Variants in DNER observed in about 807,000 individuals in gnomAD.
DNER encodes the protein delta/notch like EGF repeat containing, also known as delta and Notch-like epidermal growth factor-related receptor.
In DNER, 33 loss-of-function variants were observed where a neutral mutation model predicts 78.2. That is an observed-to-expected ratio of 0.42 (90% CI 0.32 to 0.56). The LOEUF is 0.56. Among genes scored for constraint, DNER ranks in the 20% least tolerant of loss-of-function variants. The pLI is 0.11. For missense variants in DNER, 918 were observed against 975.3 expected, an observed-to-expected ratio of 0.94 and a Z score of 0.78; for synonymous variants, 417 against 384.8, an observed-to-expected ratio of 1.08 and a Z score of -0.98.
chr2:229,412,779 G>C (rs186523965), intron 9 of DNER, among the ~76,000 whole-genome samples: 1 of 152,186 alleles, frequency 6.6e-6, no homozygotes, highest in Non-Finnish European at 1.5e-5. Context: ...GCAAGGCGAC[G>C]TGCAAGAGGG....
At position 229,517,457 on chromosome 2, in the gene DNER, C is replaced by T. The variant is rs139865893; in HGVS notation, c.994-4521G>A. 5.2e-3 allele frequency among the ~76,000 whole-genome samples: 788 copies of T among 152,252 alleles called. 3 individuals are homozygous for T. Among genetic ancestry groups the T allele is most frequent in the African/African-American group, 0.018 (753 of 41,554 alleles). The stretch of plus-strand genomic sequence containing the variant: ...ATGTACTGAGAAAGTGAAAACAGGG[C>T]CAGGACTTGCTGGAGGTGCAGAGTG... On this transcript the variant is annotated intron_variant, in intron 5 of 12. Coordinates refer to ENST00000341772, the MANE Select transcript of DNER (RefSeq NM_139072.4).
intron 6 of DNER, among the ~76,000 whole-genome samples, chr2:229,505,726 T>C (rs1323820565): frequency 6.6e-6 from 1 of 152,254 alleles, no homozygotes; most frequent in Non-Finnish European, 1.5e-5. Context: ...AAGCAAATTA[T>C]ACACGTTTCA....
At chr2:229,502,153 T>C (rs1340816387) in intron 6 of DNER, among the ~76,000 whole-genome samples, 1 of 152,030 alleles carries the variant, frequency 6.6e-6, no homozygotes, top group Non-Finnish European at 1.5e-5. Context: ...ACCTGTCCTA[T>C]CGAAAGGAAA....
chr2:229,388,165 G>T, intron 11 of DNER, 100 bp downstream of exon 11: 1 of 1,474,610 alleles, frequency 6.8e-7, no homozygotes, highest in South Asian at 1.4e-5. Flanking sequence ...AGTGACTCGG[G>T]GGCTTTCTGG....
At chr2:229,556,132 T>A (rs1696852879) in intron 4 of DNER, among the ~76,000 whole-genome samples, 1 of 152,220 alleles carries the variant, frequency 6.6e-6, no homozygotes, top group Non-Finnish European at 1.5e-5. Context: ...CAAATGAATG[T>A]GTAGTTAAAA....
chr2:229,359,581 A>G (rs1014721477), intron 12 of DNER, among the ~76,000 whole-genome samples: 2 of 152,060 alleles, frequency 1.3e-5, no homozygotes, highest in African/African-American at 4.8e-5. Flanking sequence ...GCTCTTTAAA[A>G]AGACATTTTA....
intron 1 of DNER, among the ~76,000 whole-genome samples, chr2:229,653,998 TG>T (rs1698866700): frequency 6.6e-6 from 1 of 152,220 alleles, no homozygotes; most frequent in Admixed American, 6.5e-5. Context: ...TTAAGTTCTG[TG>T]GTACATATGC....
chr2:229,685,537 G>A (rs750472547), intron 1 of DNER, among the ~76,000 whole-genome samples: 3 of 152,144 alleles, frequency 2.0e-5, no homozygotes, highest in Admixed American at 2.0e-4. Context: ...CTCAGTAAAC[G>A]CTAGCTGTCA....
intron 1 of DNER, among the ~76,000 whole-genome samples, chr2:229,605,661 G>T (rs1348717595): frequency 6.6e-6 from 1 of 151,936 alleles, no homozygotes; most frequent in Non-Finnish European, 1.5e-5. Flanking sequence ...TATGTGAATT[G>T]TTAGTGTATA....
intron 12 of DNER, among the ~76,000 whole-genome samples, chr2:229,358,927 C>T (rs537676000): frequency 6.6e-6 from 1 of 152,180 alleles, no homozygotes; most frequent in South Asian, 2.1e-4. Flanking sequence ...AGCATGACAG[C>T]TCCACAATAG....
intron 8 of DNER, among the ~76,000 whole-genome samples, chr2:229,446,099 A>G (rs1694334440): frequency 6.6e-6 from 1 of 152,212 alleles, no homozygotes; most frequent in Non-Finnish European, 1.5e-5. Context: ...CTCAGCCCCC[A>G]TTCTGGGTGT....
At chr2:229,500,090 C>T (rs181219479) in intron 6 of DNER, among the ~76,000 whole-genome samples, 127 of 152,214 alleles carry the variant, frequency 8.3e-4, no homozygotes, top group Admixed American at 2.5e-3. Flanking sequence ...CTTGCCACCA[C>T]GCCCAACTAA....
At chr2:229,586,074 C>A (rs1697490185) in intron 3 of DNER, 50 bp from the exon 4 acceptor site, 7 of 1,551,046 alleles carry the variant, frequency 4.5e-6, no homozygotes, top group Non-Finnish European at 6.1e-6. Context: ...AAAAATTCAT[C>A]TTAGAACCAG....
intron 7 of DNER, among the ~76,000 whole-genome samples, chr2:229,448,694 A>C (rs1404670494): frequency 6.6e-6 from 1 of 152,204 alleles, no homozygotes; most frequent in African/African-American, 2.4e-5. Context: ...ACATCTGTGC[A>C]TACATGTAGG....
At position 229,526,567 on chromosome 2, in the gene DNER, G is replaced by A. The variant is rs147327804; in HGVS notation, c.994-13631C>T. Among the ~76,000 whole-genome samples, 101 of 152,256 alleles carry A rather than the reference G, an allele frequency of 6.6e-4. 1 individual carries two copies. Among genetic ancestry groups the A allele is most frequent in the African/African-American group, 2.3e-3 (97 of 41,554 alleles). ...GAAACTGTTCCACCTCAGCTCATCG[G>A]GCATTAGCTAGATCCTCATAAGGAG... On this transcript the variant is annotated intron_variant, in intron 5 of 12. Coordinates refer to ENST00000341772, the MANE Select transcript of DNER (RefSeq NM_139072.4).
intron 6 of DNER, 83 bp downstream of exon 6, chr2:229,512,695 TTCTCC>T (rs1456066600): frequency 1.3e-6 from 2 of 1,535,322 alleles, no homozygotes. Flanking sequence ...GTACCACCTG[TTCTCC>T]AAAAACCTTT....
rs1699962090 is a variant in DNER at position 229,714,383 on chromosome 2, A to T, written c.41T>A (p.Leu14Gln). ...RRAQAPGAQL[L>Q]PALALLLLLL... ...CAGCAGCAGCAGGGCCAGCGCGGGCAGCAGCTGCGCACCGGGCGCCTGGGC... is the reference window on the plus strand; with the variant it reads ...CAGCAGCAGCAGGGCCAGCGCGGGCTGCAGCTGCGCACCGGGCGCCTGGGC... The change falls in exon 1 of 13, where the codon CTG becomes CAG. Residue 14 changes from leucine (L) to glutamine (Q), a missense_variant. Physicochemically the swap from Leu to Gln is moderately radical, Grantham distance 113 (BLOSUM62 -2). Transcript: ENST00000341772. 1 of 1,205,838 alleles carries T rather than the reference A, an allele frequency of 8.3e-7. No individual in the cohort carries two copies. Among genetic ancestry groups the T allele is most frequent in the Non-Finnish European group, 1.0e-6 (1 of 974,528 alleles). 74.7% of individuals were successfully genotyped at this position (1,205,838 alleles called of 1,614,324 possible).
chr2:229,379,805 T>C (rs1328830457), intron 11 of DNER, among the ~76,000 whole-genome samples: 2 of 152,188 alleles, frequency 1.3e-5, no homozygotes, highest in African/African-American at 4.8e-5. Context: ...AAGTCTGGAA[T>C]CCTTTCCACC....
intron 11 of DNER, among the ~76,000 whole-genome samples, chr2:229,385,806 A>G (rs1052925174): frequency 6.6e-6 from 1 of 152,226 alleles, no homozygotes; most frequent in Admixed American, 6.5e-5. Flanking sequence ...ACCACTGCTC[A>G]AGGAAATAAG....
Sources: allele counts gnomAD v4.1 joint callset (sites outside exome capture counted in the v4.1 genomes callset), GRCh38; gene constraint gnomAD v4.1.1; transcripts MANE v1.5; gene names NCBI Gene and HGNC (gene_info 2026-07-23, HGNC 2026-07-21).